The following UGT1A6 variants were observed in gnomAD, a reference collection of about 807,000 sequenced individuals.
UGT1A6 encodes UDP glucuronosyltransferase family 1 member A6, also known as UDP-glucuronosyltransferase 1A6.
UGT1A6 carries 32 observed loss-of-function variants against 44.4 expected under a neutral mutation model. The ratio of observed to expected loss-of-function variants is 0.72; its 90% CI spans 0.54 to 0.97. The LOEUF (loss-of-function observed/expected upper bound fraction) is 0.97. Among genes scored for constraint, UGT1A6 ranks in the 50% least tolerant of loss-of-function variants. The pLI is 0.00. For missense variants in UGT1A6, 685 were observed against 661.9 expected, an observed-to-expected ratio of 1.03 and a Z score of -0.38; for synonymous variants, 238 against 248.5, an observed-to-expected ratio of 0.96 and a Z score of 0.40.
intron 1 of UGT1A6, among the ~76,000 whole-genome samples, chr2:233,704,872 T>G (rs902231183): frequency 1.3e-5 from 2 of 152,060 alleles, no homozygotes; most frequent in Non-Finnish European, 2.9e-5. Context: ...GGTGGCTCAC[T>G]CCTGTAATCC....
chr2:233,729,993 G>T (rs1356280713), intron 1 of UGT1A6: 1 of 1,613,886 alleles, frequency 6.2e-7, no homozygotes, highest in Non-Finnish European at 8.5e-7. Flanking sequence ...CACTATCTCA[G>T]GTCTGTATTG....
At chr2:233,694,135 G>A (rs2075201567) in intron 1 of UGT1A6, among the ~76,000 whole-genome samples, 1 of 152,152 alleles carries the variant, frequency 6.6e-6, no homozygotes, top group African/African-American at 2.4e-5. Context: ...CTCATTGAAT[G>A]AGCCTTAGAA....
rs1222829087 is a variant in UGT1A6, at chr2:233,767,177, C to G, written c.993+12C>G. 1 of 1,614,030 alleles carries G rather than the reference C, an allele frequency of 6.2e-7. No individual in the cohort carries two copies. Among genetic ancestry groups the G allele is most frequent in the South Asian group, 1.1e-5 (1 of 91,054 alleles). ...AAATCCCTCAGACAGTAAGAAGATT[C>G]TATACCATGGCCTCATATCTATTTT... On this transcript the variant is annotated intron_variant, in intron 2 of 4. Coordinates refer to ENST00000305139, the MANE Select transcript of UGT1A6 (RefSeq NM_001072.4).
At chr2:233,738,868 CT>C (rs1348396739) in intron 1 of UGT1A6, 1 of 152,334 alleles carries the variant, frequency 6.6e-6, no homozygotes, top group South Asian at 2.1e-4. Flanking sequence ...GGGAAAATGG[CT>C]CCAGGGCATG....
At chr2:233,762,024 A>AT (rs967311965) in intron 1 of UGT1A6, among the ~76,000 whole-genome samples, 3 of 151,856 alleles carry the variant, frequency 2.0e-5, no homozygotes, top group African/African-American at 4.8e-5. Context: ...TTTGTATTTT[A>AT]TTTTTTTTAA....
chr2:233,729,884 C>T, intron 1 of UGT1A6: 2 of 1,613,892 alleles, frequency 1.2e-6, no homozygotes, highest in Non-Finnish European at 1.7e-6. Context: ...AGTCATGCAT[C>T]TGTGTGGCTG....
chr2:233,695,400 A>G (rs2075285150), intron 1 of UGT1A6, among the ~76,000 whole-genome samples: 1 of 149,876 alleles, frequency 6.7e-6, no homozygotes, highest in African/African-American at 2.5e-5. Context: ...CTGGGATTAC[A>G]GGCGTGAGCT....
Position 233,730,035 on chromosome 2 carries a change from A to T in UGT1A6, c.861+36170A>T, listed in dbSNP as rs45599733. The T allele has an allele frequency of 1.0e-3, 1,658 of 1,613,028 alleles. 11 individuals are homozygous for T. In the African/African-American group the frequency reaches 0.02, roughly 19 times the overall value. ...TCATCCAATCAATGTTCCAGGCAAA[A>T]CACTTTTTAAAAAAATGTATTTATT... is the stretch of plus-strand genomic sequence containing the variant. On this transcript the variant is annotated intron_variant, in intron 1 of 4. Transcript: ENST00000305139.
rs190865559 is a variant in UGT1A6 at position 233,744,424 on chromosome 2, A to G, written c.862-22610A>G. 3.3e-5 allele frequency among the ~76,000 whole-genome samples: 5 copies of G among 151,988 alleles called. No individual in the cohort carries two copies. The East Asian group carries it at 9.6e-4, about 29-fold the overall frequency. On this transcript the variant is annotated intron_variant, in intron 1 of 4. Coordinates refer to ENST00000305139, the MANE Select transcript of UGT1A6 (RefSeq NM_001072.4). ...CCATTTGCTTTTGTTCATGTGGATT[A>G]TATCTATCATACGTACTGCATTAGA...
chr2:233,722,721 T>C (rs2077032481), intron 1 of UGT1A6, among the ~76,000 whole-genome samples: 1 of 152,212 alleles, frequency 6.6e-6, no homozygotes, highest in African/African-American at 2.4e-5. Flanking sequence ...TATCAGTTTT[T>C]AAATTTCTCC....
chr2:233,749,702 A>C lies in UGT1A6; in HGVS notation c.862-17332A>C, dbSNP rs7556792. On this transcript the variant is annotated intron_variant, in intron 1 of 4. Coordinates refer to ENST00000305139, the MANE Select transcript of UGT1A6 (RefSeq NM_001072.4). ...CAAGGACAGGATCTGGTGGGAGGTG[A>C]TTGGATCATGGGGGCAGTTTCGCAC... 9.0e-3 allele frequency among the ~76,000 whole-genome samples: 1,371 copies of C among 151,808 alleles called. 51 individuals carry two copies. The highest frequency in any genetic ancestry group is 0.032 in the African/African-American group (1,324 of 41,154).
chr2:233,769,857 CAAAA>C lies in UGT1A6; in HGVS notation c.1301+1432_1301+1435del, dbSNP rs879204025. On this transcript the variant is annotated intron_variant, in intron 4 of 4. Coordinates refer to ENST00000305139, the MANE Select transcript of UGT1A6 (RefSeq NM_001072.4). This position sits in a 1 kb window ranked among gnomAD's most constrained non-coding sequence, Gnocchi z 4.4. ...TGGGCAACAGAGTGAGACCCTGTCTCAAAAAAAAAAAAAAAAATGAAAAGTCCAC... is the reference window on the plus strand; with the variant it reads ...TGGGCAACAGAGTGAGACCCTGTCTCAAAAAAAAAAAAATGAAAAGTCCAC... The C allele has an allele frequency of 2.0e-3, 458 of 223,780 alleles. No individual in the cohort carries two copies. Among genetic ancestry groups the C allele is most frequent in the Middle Eastern group, 6.2e-3 (5 of 804 alleles). The allele number at this position is 223,780 out of a possible 1,614,324, so 13.9% of individuals were successfully genotyped here. A position where few individuals can be genotyped will look rare whatever the true frequency, so the allele number is the denominator to read the frequency against.
In UGT1A6 at chr2:233,729,814, C is replaced by T. The variant is rs776482922; in HGVS notation, c.861+35949C>T. The T allele has an allele frequency of 2.5e-6, 4 of 1,613,896 alleles. No homozygotes were observed. In the South Asian group the frequency reaches 3.3e-5, roughly 13 times the overall value. The stretch of plus-strand genomic sequence containing the variant: ...CTACATTTGCCATGCTTTTTCTGCT[C>T]CTTATGCAAGCCTTGCCTCTGAGCT... On this transcript the variant is annotated intron_variant, in intron 1 of 4. Coordinates refer to ENST00000305139, the MANE Select transcript of UGT1A6 (RefSeq NM_001072.4).
At chr2:233,709,103 C>A (rs1294540845) in intron 1 of UGT1A6, among the ~76,000 whole-genome samples, 1 of 152,082 alleles carries the variant, frequency 6.6e-6, no homozygotes, top group African/African-American at 2.4e-5. Flanking sequence ...GTCACATGCC[C>A]ATCTCTGAAC....
At chr2:233,728,033 A>T (rs1286905135) in intron 1 of UGT1A6, among the ~76,000 whole-genome samples, 1 of 152,230 alleles carries the variant, frequency 6.6e-6, no homozygotes, top group African/African-American at 2.4e-5. Context: ...TTTCTGGAGT[A>T]GGATAAGCCT....
intron 1 of UGT1A6, among the ~76,000 whole-genome samples, chr2:233,745,825 G>A (rs1307073963): frequency 2.0e-5 from 3 of 151,398 alleles, no homozygotes; most frequent in Non-Finnish European, 2.9e-5. Context: ...GCAAGGCAGA[G>A]GACTCTGAAT....
chr2:233,751,063 A>G (rs1291377665), intron 1 of UGT1A6, among the ~76,000 whole-genome samples: 4 of 152,012 alleles, frequency 2.6e-5, no homozygotes, highest in East Asian at 1.9e-4. Context: ...ACAGACACTC[A>G]ATGCCAGCCT....
At chr2:233,715,333 G>A (rs2076445731) in intron 1 of UGT1A6, among the ~76,000 whole-genome samples, 1 of 152,000 alleles carries the variant, frequency 6.6e-6, no homozygotes, top group South Asian at 2.1e-4. Flanking sequence ...TGATTAGATT[G>A]GTGCATGTAG....
chr2:233,765,502 A>G (rs1698851224), intron 1 of UGT1A6, among the ~76,000 whole-genome samples: 1 of 152,194 alleles, frequency 6.6e-6, no homozygotes, highest in Non-Finnish European at 1.5e-5. Flanking sequence ...AAACTAACAC[A>G]GGAACAGAAA....
Sources: gnomAD v4.1 joint callset for allele counts (sites outside exome capture counted in the v4.1 genomes callset) on GRCh38, gnomAD v4.1.1 for gene constraint, Gnocchi (gnomAD v3.1) non-coding constraint, MANE v1.5 for transcripts, NCBI Gene and HGNC (gene_info 2026-07-23, HGNC 2026-07-21) for gene names.